Variants in SPTLC2 observed in about 807,000 individuals in gnomAD.
SPTLC2 encodes the protein serine palmitoyltransferase 2.
In SPTLC2, 21 loss-of-function variants were observed where a neutral mutation model predicts 62.0. The ratio of observed to expected loss-of-function variants is 0.34; its 90% CI spans 0.24 to 0.49. The LOEUF (loss-of-function observed/expected upper bound fraction) is 0.49. SPTLC2 is among the 20% of genes least tolerant of loss of function. The pLI, the probability that SPTLC2 is intolerant of heterozygous loss-of-function variation, is 0.99. For missense variants in SPTLC2, 511 were observed against 713.0 expected (o/e 0.72, Z 3.23); for synonymous variants, 261 against 261.8 (o/e 1.00, Z 0.03).
At chr14:77,516,640 A>G (rs2079360933) in intron 11 of SPTLC2, among the ~76,000 whole-genome samples, 1 of 152,242 alleles carries the variant, frequency 6.6e-6, no homozygotes, top group Non-Finnish European at 1.5e-5. Flanking sequence ...AAATAAAGAA[A>G]AAAAAGATAC....
intron 9 of SPTLC2, among the ~76,000 whole-genome samples, chr14:77,537,390 G>A (rs1401554979): frequency 3.3e-5 from 5 of 151,768 alleles, no homozygotes; most frequent in Non-Finnish European, 7.4e-5. Flanking sequence ...TCCTGTTACT[G>A]TACTTATGCC....
chr14:77,558,958 A>G (rs536578528), intron 6 of SPTLC2, among the ~76,000 whole-genome samples: 1 of 152,278 alleles, frequency 6.6e-6, no homozygotes, highest in African/African-American at 2.4e-5. Flanking sequence ...AAAACACAGG[A>G]ATTATTTTAG....
At chr14:77,580,498 A>T (rs1362020437) in intron 2 of SPTLC2, among the ~76,000 whole-genome samples, 1 of 144,850 alleles carries the variant, frequency 6.9e-6, no homozygotes, top group Non-Finnish European at 1.5e-5. Flanking sequence ...AAAAATGGTT[A>T]TAGGAAGCCA....
chr14:77,542,081 A>AAAAACG (rs2079504191), intron 9 of SPTLC2, among the ~76,000 whole-genome samples: 1 of 150,912 alleles, frequency 6.6e-6, no homozygotes, highest in South Asian at 2.1e-4. Context: ...AAAAAAAACC[A>AAAAACG]AGAAAAACCC....
intron 5 of SPTLC2, among the ~76,000 whole-genome samples, chr14:77,564,236 G>GGGGAA (rs35001639): frequency 9.0e-6 from 1 of 110,658 alleles, no homozygotes; most frequent in African/African-American, 3.4e-5. Flanking sequence ...TGTCTGGGGG[G>GGGGAA]AAAAAAAAAA....
intron 1 of SPTLC2, among the ~76,000 whole-genome samples, chr14:77,606,347 C>T (rs547340453): frequency 6.7e-6 from 1 of 149,668 alleles, no homozygotes; most frequent in East Asian, 2.0e-4. Flanking sequence ...ACAACAACAA[C>T]TTTTGCTTTC....
At chr14:77,516,083 A>G (rs1269071464) in intron 11 of SPTLC2, among the ~76,000 whole-genome samples, 3 of 148,596 alleles carry the variant, frequency 2.0e-5, no homozygotes, top group Non-Finnish European at 3.0e-5. Flanking sequence ...CCATTATTAA[A>G]TGAAAATTAA....
rs115633733 is a variant in SPTLC2 at position 77,575,016 on chromosome 14, T to A, written c.631+1751A>T. Among the ~76,000 whole-genome samples the A allele has an allele frequency of 3.5e-3, 537 of 152,300 alleles. 5 individuals carry two copies. The highest frequency in any genetic ancestry group is 0.012 in the African/African-American group (507 of 41,554). On this transcript the variant is annotated intron_variant, in intron 4 of 11. Coordinates refer to ENST00000216484, the MANE Select transcript of SPTLC2 (RefSeq NM_004863.4). The stretch of plus-strand genomic sequence containing the variant: ...TGAGGCCAGGATTTCAAGAACACCC[T>A]GGGCAACATAGCCTCTTGAAAGAGA...
intron 3 of SPTLC2, among the ~76,000 whole-genome samples, chr14:77,577,509 T>C (rs1169914276): frequency 1.3e-5 from 2 of 152,228 alleles, no homozygotes; most frequent in Admixed American, 6.5e-5. Flanking sequence ...CCATGGCACA[T>C]GTATACTGTA....
intron 4 of SPTLC2, among the ~76,000 whole-genome samples, chr14:77,574,217 C>T (rs1424233901): frequency 2.6e-5 from 4 of 152,190 alleles, no homozygotes; most frequent in African/African-American, 9.7e-5. Context: ...AAGGTCATAT[C>T]TATGCCCTTA....
intron 2 of SPTLC2, among the ~76,000 whole-genome samples, chr14:77,583,344 T>C (rs776094454): frequency 6.6e-6 from 1 of 152,160 alleles, no homozygotes; most frequent in African/African-American, 2.4e-5. Context: ...GTTCCAGTTC[T>C]AGGCAATGGG....
chr14:77,615,493 G>A (rs771205178), intron 1 of SPTLC2, among the ~76,000 whole-genome samples: 9 of 152,164 alleles, frequency 5.9e-5, no homozygotes, highest in Non-Finnish European at 7.3e-5. Context: ...CTTAATATCT[G>A]TACAAGACTT....
At chr14:77,554,284 C>A (rs1320088269) in intron 8 of SPTLC2, among the ~76,000 whole-genome samples, 1 of 152,188 alleles carries the variant, frequency 6.6e-6, no homozygotes, top group Non-Finnish European at 1.5e-5. Context: ...GCCACATACA[C>A]AGAATTCACC....
intron 9 of SPTLC2, among the ~76,000 whole-genome samples, chr14:77,547,213 A>C (rs1033493700): frequency 2.0e-5 from 3 of 152,118 alleles, no homozygotes; most frequent in African/African-American, 7.2e-5. Flanking sequence ...TTCTAGGCAG[A>C]AAGTCACAAA....
At chr14:77,529,988 T>TTC (rs2079429770) in intron 9 of SPTLC2, among the ~76,000 whole-genome samples, 1 of 152,206 alleles carries the variant, frequency 6.6e-6, no homozygotes, top group Admixed American at 6.5e-5. Context: ...AAGACAGTAC[T>TTC]TTATAGTCTA....
intron 1 of SPTLC2, among the ~76,000 whole-genome samples, chr14:77,600,372 C>A (rs1415898714): frequency 6.6e-6 from 1 of 152,122 alleles, no homozygotes; most frequent in Non-Finnish European, 1.5e-5. Context: ...TACAGGGAGG[C>A]AGATGGGCAC....
intron 8 of SPTLC2, among the ~76,000 whole-genome samples, chr14:77,553,749 A>T (rs181820664): frequency 0.054 from 8,208 of 151,020 alleles, 418 homozygotes; most frequent in Admixed American, 0.14. Context: ...AAAAAAAAAA[A>T]ATCTATCAAA....
At chr14:77,542,669 G>T (rs1487010234) in intron 9 of SPTLC2, among the ~76,000 whole-genome samples, 1 of 152,172 alleles carries the variant, frequency 6.6e-6, no homozygotes, top group East Asian at 1.9e-4. Context: ...TCATATCCTA[G>T]GGATGCTGTT....
rs570987250 is a variant in SPTLC2 at position 77,540,644 on chromosome 14, T to G, written c.1303+11452A>C. 3.9e-5 allele frequency among the ~76,000 whole-genome samples: 6 copies of G among 152,156 alleles called. No homozygotes were observed. In the South Asian group the frequency reaches 1.2e-3, roughly 32 times the overall value. On this transcript the variant is annotated intron_variant, in intron 9 of 11. Transcript: ENST00000216484. ...CGGCCGCCACCACACCTGGCTAATT[T>G]TTGTATTTTTAGTAGAGATGGGGTT...
Sources: gnomAD v4.1 joint callset for allele counts (sites outside exome capture counted in the v4.1 genomes callset) on GRCh38, gnomAD v4.1.1 for gene constraint, MANE v1.5 for transcripts, NCBI Gene and HGNC (gene_info 2026-07-23, HGNC 2026-07-21) for gene names.